MMP28: variants seen among roughly 807,000 people sequenced by gnomAD.
MMP28 encodes the protein matrix metalloproteinase-28.
MMP28 carries 55 observed loss-of-function variants against 60.5 expected under a neutral mutation model. That is an observed-to-expected ratio of 0.91 (90% CI 0.73 to 1.14). The LOEUF (loss-of-function observed/expected upper bound fraction) is 1.14, where lower values mean the gene tolerates loss of function less well. MMP28 is among the 50% of genes most tolerant of loss of function. MMP28 has a pLI of 0.00. For missense variants in MMP28, 686 were observed against 738.3 expected (o/e 0.93, Z 0.82); for synonymous variants, 318 against 312.5 (o/e 1.02, Z -0.18).
At chr17:35,756,414 C>T (rs2085738107) in exon 3 of MMP28, 10 of 985,094 alleles carry the variant, frequency 1.0e-5, no homozygotes, top group African/African-American at 1.7e-5. Flanking sequence ...GAACTTTGTC[C>T]TCAGGCTGCA....
At chr17:35,789,662 T>C (rs1362910615) in intron 1 of MMP28, among the ~76,000 whole-genome samples, 2 of 152,236 alleles carry the variant, frequency 1.3e-5, no homozygotes, top group Non-Finnish European at 2.9e-5. Flanking sequence ...TTTAGGAGTG[T>C]GTTGTTTAAT....
intron 3 of MMP28, among the ~76,000 whole-genome samples, chr17:35,775,601 A>G (rs529125639): frequency 3.4e-4 from 52 of 152,344 alleles, no homozygotes; most frequent in African/African-American, 1.1e-3. Context: ...AAACTTACAT[A>G]ACAAATTATG....
chr17:35,768,367 C>T lies in MMP28; in HGVS notation c.863G>A (p.Gly288Glu). 1 of 1,604,552 alleles carries T rather than the reference C, an allele frequency of 6.2e-7. No homozygotes were observed. The highest frequency in any genetic ancestry group is 8.5e-7 in the Non-Finnish European group (1 of 1,176,690). Reference protein sequence around the residue: ...AVQSLYGKPLGGSVAVQLPGK... With the variant: ...AVQSLYGKPLEGSVAVQLPGK... ...TGGGAGCTGGACGGCCACTGAGCCCCCTAGGGGCTTCCCTTTGTGAGTAAG... is the reference window on the plus strand; with the variant it reads ...TGGGAGCTGGACGGCCACTGAGCCCTCTAGGGGCTTCCCTTTGTGAGTAAG... Residue 288 changes from glycine to glutamate, a missense_variant, in exon 6 of 8, where the codon GGG becomes GAG. Transcript: ENST00000605424.
chr17:35,773,523 A>C, intron 3 of MMP28, 119 bp from the exon 4 acceptor site: 1 of 910,708 alleles, frequency 1.1e-6, no homozygotes, highest in East Asian at 2.7e-5. Context: ...TCTGACGGGG[A>C]AGACACAGTT....
rs564376727 is a variant in MMP28, at chr17:35,770,165, G to C, written c.752C>G (p.Ser251Trp). 1.9e-6 allele frequency: 3 copies of C among 1,606,836 alleles called. No individual in the cohort carries two copies. The highest frequency in any genetic ancestry group is 2.5e-6 in the Non-Finnish European group (3 of 1,178,210). ...CGCCATGAGCGCGCGCGGCGCGGGCGAGTGGGTGAGGCCAAGCGTGTGACC... is the reference window on the plus strand; with the variant it reads ...CGCCATGAGCGCGCGCGGCGCGGGCCAGTGGGTGAGGCCAAGCGTGTGACC... Reference protein sequence around the residue: ...EIGHTLGLTHSPAPRALMAPY... With the variant: ...EIGHTLGLTHWPAPRALMAPY... The change falls in exon 5 of 8, where the codon TCG becomes TGG. Residue 251 changes from serine to tryptophan, a missense_variant. Transcript: ENST00000605424.
intron 1 of MMP28, among the ~76,000 whole-genome samples, chr17:35,783,709 G>A (rs1028064644): frequency 4.6e-5 from 7 of 152,118 alleles, no homozygotes; most frequent in Admixed American, 2.6e-4. Flanking sequence ...AACTGGCAGC[G>A]TCTCTTGTTT....
At chr17:35,774,716 G>T (rs951627456) in intron 3 of MMP28, among the ~76,000 whole-genome samples, 4 of 152,180 alleles carry the variant, frequency 2.6e-5, no homozygotes, top group Non-Finnish European at 1.5e-5. Context: ...GGCCTGTTTG[G>T]CCTGGCAGCC....
At chr17:35,777,170 A>G (rs1568168090) in intron 3 of MMP28, among the ~76,000 whole-genome samples, 2 of 152,200 alleles carry the variant, frequency 1.3e-5, no homozygotes, top group Non-Finnish European at 2.9e-5. Context: ...TCAGTGAGAA[A>G]AGTGACCTGG....
chr17:35,770,426 C>T (rs528630930), intron 4 of MMP28, 114 bp from the exon 5 acceptor site: 4 of 1,344,014 alleles, frequency 3.0e-6, no homozygotes, highest in Non-Finnish European at 3.9e-6. Context: ...TGTATAGTTT[C>T]CCTCCTAAAA....
intron 1 of MMP28, 95 bp from the exon 2 acceptor site, chr17:35,779,418 C>T: frequency 9.8e-7 from 1 of 1,021,214 alleles, no homozygotes; most frequent in African/African-American, 1.6e-5. Flanking sequence ...CCCAGTCTCA[C>T]CTCTTGTCTT....
intron 1 of MMP28, among the ~76,000 whole-genome samples, chr17:35,792,537 A>T (rs1387147950): frequency 6.6e-6 from 1 of 152,244 alleles, no homozygotes; most frequent in African/African-American, 2.4e-5. Context: ...TTCGACTCAC[A>T]GTTATCTGTG....
Position 35,766,213 on chromosome 17 carries a change from A to T in MMP28, c.*287T>A. On this transcript the variant is annotated 3_prime_UTR_variant, in exon 8 of 8. Coordinates refer to ENST00000605424, the MANE Select transcript of MMP28 (RefSeq NM_024302.5). This position sits in a 1 kb window ranked among gnomAD's most constrained non-coding sequence, Gnocchi z 4.3. The stretch of plus-strand genomic sequence containing the variant: ...GAACTGTACCTTTAGCCGAAGAAAC[A>T]AAGGCCTGGGGAGGATAGAAGTCCT... The T allele has an allele frequency of 8.3e-7, 1 of 1,200,226 alleles. No homozygotes were observed. Among genetic ancestry groups the T allele is most frequent in the Non-Finnish European group, 1.0e-6 (1 of 965,376 alleles). The allele number at this position is 1,200,226 out of a possible 1,614,324, so 74.3% of individuals were successfully genotyped here.
chr17:35,771,324 G>A (rs1275336603), intron 4 of MMP28, among the ~76,000 whole-genome samples: 3 of 151,180 alleles, frequency 2.0e-5, no homozygotes, highest in Non-Finnish European at 2.9e-5. Context: ...CCAGCTACTC[G>A]GGAGGCTGAG....
At chr17:35,785,648 C>T (rs2086625807) in intron 1 of MMP28, among the ~76,000 whole-genome samples, 1 of 152,090 alleles carries the variant, frequency 6.6e-6, no homozygotes, top group Admixed American at 6.6e-5. Context: ...GGGGTTTCAC[C>T]GTTTCAGGCA....
rs550150221 is a variant in MMP28, at chr17:35,769,648, G to A, written c.850+419C>T. ...CATCGTGGTGAGAGAAAGGCTCGGG[G>A]AGAGCTAGTGGCTGGGGCAGGAATG... On this transcript the variant is annotated intron_variant, in intron 5 of 7. Coordinates refer to ENST00000605424, the MANE Select transcript of MMP28 (RefSeq NM_024302.5). 3.3e-5 allele frequency among the ~76,000 whole-genome samples: 5 copies of A among 152,226 alleles called. No individual in the cohort carries two copies. In the South Asian group the frequency reaches 1.0e-3, roughly 32 times the overall value.
In MMP28 at chr17:35,766,407, A is replaced by C; in HGVS notation, c.*93T>G. ...TTGCTGCCCGGTCTTCTGCAGAGGG[A>C]CTCAGAGGCTTCTAAGAGGGGTTCT... On this transcript the variant is annotated 3_prime_UTR_variant, in exon 8 of 8. Transcript: ENST00000605424. This position sits in a 1 kb window ranked among gnomAD's most constrained non-coding sequence, Gnocchi z 4.3. 1 of 1,438,734 alleles carries C rather than the reference A, an allele frequency of 7.0e-7. No individual in the cohort carries two copies. The highest frequency in any genetic ancestry group is 9.1e-7 in the Non-Finnish European group (1 of 1,097,734). 89.1% of individuals were successfully genotyped at this position (1,438,734 alleles called of 1,614,324 possible). A position where few individuals can be genotyped will look rare whatever the true frequency, so the allele number is the denominator to read the frequency against.
downstream of MMP28, chr17:35,760,935 G>A (rs1568116979): frequency 6.2e-7 from 1 of 1,613,654 alleles, no homozygotes; most frequent in Non-Finnish European, 8.5e-7. Flanking sequence ...GCACAGCCTT[G>A]GGAAGAATGG....
intron 5 of MMP28, among the ~76,000 whole-genome samples, chr17:35,769,094 C>T (rs2086038355): frequency 6.6e-6 from 1 of 152,122 alleles, no homozygotes; most frequent in Non-Finnish European, 1.5e-5. Context: ...AAGCAGAGTC[C>T]AACAAGCTTA....
intron 1 of MMP28, among the ~76,000 whole-genome samples, chr17:35,792,474 C>T (rs1327054359): frequency 6.6e-6 from 1 of 152,176 alleles, no homozygotes; most frequent in African/African-American, 2.4e-5. Context: ...ATGATGCCAG[C>T]CCCAGACACT....
Sources: gnomAD v4.1 joint callset for allele counts (sites outside exome capture counted in the v4.1 genomes callset) on GRCh38, gnomAD v4.1.1 for gene constraint, Gnocchi (gnomAD v3.1) non-coding constraint, MANE v1.5 for transcripts, NCBI Gene and HGNC (gene_info 2026-07-23, HGNC 2026-07-21) for gene names.